Variants in DCDC2 observed in about 807,000 individuals in gnomAD.
DCDC2 encodes the protein doublecortin domain containing 2, also known as doublecortin domain-containing protein 2.
In DCDC2, 40 loss-of-function variants were observed where a neutral mutation model predicts 50.2. The ratio of observed to expected loss-of-function variants is 0.80; its 90% confidence interval spans 0.62 to 1.04. DCDC2 has a LOEUF of 1.04. DCDC2 is among the 50% of genes least tolerant of loss of function. DCDC2 has a pLI of 0.00. For synonymous variants in DCDC2, 234 were observed against 210.6 expected (o/e 1.11, Z -0.96); for missense variants, 570 against 581.9 (o/e 0.98, Z 0.21).
At chr6:24,196,531 A>G (rs1761446095) in intron 8 of DCDC2, among the ~76,000 whole-genome samples, 2 of 152,004 alleles carry the variant, frequency 1.3e-5, no homozygotes, top group Non-Finnish European at 2.9e-5. Context: ...AGCAGTTCTC[A>G]TGCCTCAGCC....
chr6:24,174,884 A>C, intron 9 of DCDC2, 50 bp from the exon 10 acceptor site: 1 of 1,190,264 alleles, frequency 8.4e-7, no homozygotes, highest in Non-Finnish European at 1.2e-6. Flanking sequence ...TGGTTCACAA[A>C]GGTAATGACA....
Position 24,353,602 on chromosome 6 carries a change from G to A in DCDC2, c.315C>T (p.Ile105=). 6.3e-7 allele frequency: 1 copy of A among 1,594,082 alleles called. No homozygotes were observed. The highest frequency in any genetic ancestry group is 8.6e-7 in the Non-Finnish European group (1 of 1,169,560). ...TAACAACTTCCATTGGTCTTTTCTT[G>A]ATTTCTCCTATGTCCAAGTAACTGA... ...KKLNYLDIGE[I]KKRPMEVVNT... is the part of the protein sequence containing the mutation. Residue 105 remains isoleucine (I), a synonymous_variant, in exon 2 of 10, where the codon ATC becomes ATT. Coordinates refer to ENST00000378454, the MANE Select transcript of DCDC2 (RefSeq NM_016356.5).
the DCDC2 span, among the ~76,000 whole-genome samples, chr6:24,367,451 T>C: frequency 6.6e-6 from 1 of 152,210 alleles, no homozygotes; most frequent in Non-Finnish European, 1.5e-5. Context: ...TGCAGAGCAA[T>C]TACGGCAAGA....
At chr6:24,382,982 G>A in the DCDC2 span, among the ~76,000 whole-genome samples, 1 of 152,076 alleles carries the variant, frequency 6.6e-6, no homozygotes, top group African/African-American at 2.4e-5. Context: ...TTTATTATAG[G>A]GTAAAATGTC....
At chr6:24,262,470 G>A (rs74871126) in intron 7 of DCDC2, among the ~76,000 whole-genome samples, 6 of 152,308 alleles carry the variant, frequency 3.9e-5, no homozygotes, top group Middle Eastern at 3.4e-3. Context: ...CTGGTGCTGC[G>A]CTGCCCTTGG....
At chr6:24,354,246 TG>T (rs1418674023) in intron 1 of DCDC2, among the ~76,000 whole-genome samples, 3 of 152,176 alleles carry the variant, frequency 2.0e-5, no homozygotes, top group Non-Finnish European at 4.4e-5. Context: ...ACCTGAAAAC[TG>T]TATACCTTTG....
chr6:24,244,965 T>C (rs1581608251), intron 7 of DCDC2, among the ~76,000 whole-genome samples: 2 of 152,160 alleles, frequency 1.3e-5, no homozygotes, highest in South Asian at 4.2e-4. Context: ...GAGGCCGAGG[T>C]GGGCACATCA....
intron 7 of DCDC2, among the ~76,000 whole-genome samples, chr6:24,215,586 C>A (rs918265584): frequency 6.6e-6 from 1 of 152,108 alleles, no homozygotes; most frequent in African/African-American, 2.4e-5. Context: ...CCAGGCAAGA[C>A]TGTAGAAAAG....
Position 24,198,403 on chromosome 6 carries a change from T to C in DCDC2, c.1023+6599A>G, listed in dbSNP as rs9467070. 9.9e-3 allele frequency among the ~76,000 whole-genome samples: 1,500 copies of C among 151,984 alleles called. 31 individuals are homozygous for C. Among genetic ancestry groups the C allele is most frequent in the African/African-American group, 0.034 (1,422 of 41,420 alleles). Reference sequence around the variant, plus strand: ...TGCCTCACTCAGGAAGCACAAGGGGTTGGGGAACTCACTCCCCTAGCCAAG... The same window carrying C: ...TGCCTCACTCAGGAAGCACAAGGGGCTGGGGAACTCACTCCCCTAGCCAAG... On this transcript the variant is annotated intron_variant, in intron 8 of 9. Transcript: ENST00000378454.
At chr6:24,332,888 C>T (rs972659232) in intron 2 of DCDC2, among the ~76,000 whole-genome samples, 1 of 152,112 alleles carries the variant, frequency 6.6e-6, no homozygotes, top group Non-Finnish European at 1.5e-5. Context: ...TGGTATCTAA[C>T]CTCTTGGAGT....
intron 6 of DCDC2, among the ~76,000 whole-genome samples, chr6:24,283,497 A>T (rs993157963): frequency 6.6e-6 from 1 of 151,756 alleles, no homozygotes; most frequent in Non-Finnish European, 1.5e-5. Context: ...GCAAAAGAGC[A>T]ATTCCTAGAA....
intron 6 of DCDC2, among the ~76,000 whole-genome samples, chr6:24,279,172 G>A (rs1321225256): frequency 1.3e-5 from 2 of 152,232 alleles, no homozygotes; most frequent in African/African-American, 4.8e-5. Flanking sequence ...GCTACTGCAA[G>A]GAACAGCTGT....
chr6:24,355,183 C>T (rs547281902), intron 1 of DCDC2, among the ~76,000 whole-genome samples: 39 of 152,174 alleles, frequency 2.6e-4, no homozygotes, highest in African/African-American at 8.4e-4. Context: ...ATAACAAATT[C>T]AGTTTTTTGT....
At chr6:24,219,851 T>C (rs1762060422) in intron 7 of DCDC2, among the ~76,000 whole-genome samples, 1 of 152,202 alleles carries the variant, frequency 6.6e-6, no homozygotes, top group Admixed American at 6.5e-5. Flanking sequence ...TAGGTCAGCA[T>C]CTGAACAAGG....
chr6:24,273,267 G>A (rs181732956), intron 7 of DCDC2, among the ~76,000 whole-genome samples: 2 of 152,216 alleles, frequency 1.3e-5, no homozygotes, highest in African/African-American at 4.8e-5. Flanking sequence ...ACAGACACTG[G>A]AGACTCGGAA....
chr6:24,334,960 A>C (rs1055940704), intron 2 of DCDC2, among the ~76,000 whole-genome samples: 11 of 152,192 alleles, frequency 7.2e-5, no homozygotes, highest in Non-Finnish European at 1.5e-4. Context: ...CGGCACAGCA[A>C]ACATGGTAAC....
chr6:24,198,447 T>C (rs1761497292), intron 8 of DCDC2, among the ~76,000 whole-genome samples: 1 of 152,188 alleles, frequency 6.6e-6, no homozygotes, highest in Admixed American at 6.5e-5. Flanking sequence ...TGAGGGACTG[T>C]GTCACGAGGA....
At chr6:24,327,145 G>A (rs1759884170) in intron 2 of DCDC2, among the ~76,000 whole-genome samples, 1 of 149,408 alleles carries the variant, frequency 6.7e-6, no homozygotes, top group African/African-American at 2.4e-5. Context: ...TTGATGAGGG[G>A]AACTGAATTA....
chr6:24,227,356 A>G (rs1013571884), intron 7 of DCDC2, among the ~76,000 whole-genome samples: 3 of 152,220 alleles, frequency 2.0e-5, no homozygotes, highest in Non-Finnish European at 4.4e-5. Context: ...GGTCTGTAGA[A>G]AAGAGAGATG....
Sources: allele counts gnomAD v4.1 joint callset (sites outside exome capture counted in the v4.1 genomes callset), GRCh38; gene constraint gnomAD v4.1.1; transcripts MANE v1.5; gene names NCBI Gene and HGNC (gene_info 2026-07-23, HGNC 2026-07-21).